JMJD1C: variants seen among roughly 807,000 people sequenced by gnomAD.
JMJD1C encodes jumonji domain-containing protein 1C.
In JMJD1C, 31 loss-of-function variants were observed where a neutral mutation model predicts 245.3. The ratio of observed to expected loss-of-function variants is 0.13; its 90% confidence interval spans 0.09 to 0.17. The LOEUF (loss-of-function observed/expected upper bound fraction) is 0.17. Ranked by LOEUF, JMJD1C falls within the 10% of genes least tolerant of loss-of-function variation. The pLI is 1.00. For synonymous variants in JMJD1C, 1,057 were observed against 1,017.4 expected (o/e 1.04, Z -0.74); for missense variants, 2,691 against 3,000.2 (o/e 0.90, Z 2.41).
chr10:63,345,666 G>C (rs932272304), intron 2 of JMJD1C, among the ~76,000 whole-genome samples: 1 of 152,098 alleles, frequency 6.6e-6, no homozygotes, highest in African/African-American at 2.4e-5. Flanking sequence ...TAGGAGTAGG[G>C]AGACAACTAC....
chr10:63,343,377 C>CA (rs377040804), intron 2 of JMJD1C, among the ~76,000 whole-genome samples: 6,094 of 131,510 alleles, frequency 0.046, 309 homozygotes, highest in African/African-American at 0.13. Context: ...AAAAAAAAAA[C>CA]AAAAAAAAAA....
chr10:63,497,225 CAT>C (rs1954392285), intron 1 of JMJD1C, among the ~76,000 whole-genome samples: 1 of 151,182 alleles, frequency 6.6e-6, no homozygotes, highest in African/African-American at 2.4e-5. Context: ...AATATTTGTA[CAT>C]ATATGTTCAC....
At chr10:63,413,424 GATT>G (rs1382020541) in intron 1 of JMJD1C, among the ~76,000 whole-genome samples, 1 of 152,128 alleles carries the variant, frequency 6.6e-6, no homozygotes, top group African/African-American at 2.4e-5. Flanking sequence ...AATATGTGTA[GATT>G]TTAAGACAGG....
At chr10:63,373,394 TAA>T (rs1266769071) in intron 2 of JMJD1C, among the ~76,000 whole-genome samples, 2 of 152,224 alleles carry the variant, frequency 1.3e-5, no homozygotes. Context: ...GCAATTATGT[TAA>T]GTTTTAAAAA....
chr10:63,256,829 A>C (rs376339270), intron 3 of JMJD1C, among the ~76,000 whole-genome samples: 3 of 152,210 alleles, frequency 2.0e-5, no homozygotes, highest in South Asian at 2.1e-4. Context: ...ATTTTAATCA[A>C]ATGTTAAAAT....
At position 63,168,364 on chromosome 10, in the gene JMJD1C, C is replaced by CTGTT. The variant is rs3830468; in HGVS notation, c.7533+67_7533+70dup. 383 of 1,463,398 alleles carry CTGTT rather than the reference C, an allele frequency of 2.6e-4. 4 individuals carry two copies. In the East Asian group the frequency reaches 8.7e-3, roughly 33 times the overall value. 90.7% of individuals were successfully genotyped at this position (1,463,398 alleles called of 1,614,324 possible). Reference sequence around the variant, plus strand: ...ACCAACTAGGCAATGACTGCCTAAGCTGTTATACATGTATCATATTTCTGA... The same window carrying CTGTT: ...ACCAACTAGGCAATGACTGCCTAAGCTGTTTGTTATACATGTATCATATTTCTGA... On this transcript the variant is annotated intron_variant, in intron 25 of 25. Transcript: ENST00000399262.
chr10:63,438,983 T>G (rs987373443), intron 1 of JMJD1C, among the ~76,000 whole-genome samples: 4 of 152,358 alleles, frequency 2.6e-5, no homozygotes, highest in Middle Eastern at 6.8e-3. Context: ...GGGCAGCAAT[T>G]TGATCCACTT....
chr10:63,225,859 T>C (rs979215766), intron 3 of JMJD1C, among the ~76,000 whole-genome samples: 2 of 151,874 alleles, frequency 1.3e-5, no homozygotes, highest in East Asian at 1.9e-4. Flanking sequence ...ACAGTATCAA[T>C]TGTAACAACT....
chr10:63,392,774 G>A (rs1469738314), intron 1 of JMJD1C, among the ~76,000 whole-genome samples: 2 of 140,318 alleles, frequency 1.4e-5, no homozygotes, highest in African/African-American at 2.8e-5. Context: ...GCAGTGAGCC[G>A]AGATCACGCC....
chr10:63,518,254 C>T (rs1472979145), intron 1 of JMJD1C, among the ~76,000 whole-genome samples: 1 of 152,178 alleles, frequency 6.6e-6, no homozygotes, highest in Admixed American at 6.5e-5. Context: ...GTTACTCTTA[C>T]TTTAGATCAA....
intron 2 of JMJD1C, among the ~76,000 whole-genome samples, chr10:63,321,221 C>T (rs969771876): frequency 2.6e-5 from 4 of 152,310 alleles, no homozygotes; most frequent in East Asian, 3.9e-4. Flanking sequence ...TGTAATAAAT[C>T]GGTAAACATA....
chr10:63,445,273 T>C (rs758867611), intron 1 of JMJD1C, among the ~76,000 whole-genome samples: 21 of 152,144 alleles, frequency 1.4e-4, no homozygotes, highest in Admixed American at 2.0e-4. Flanking sequence ...TAGAGTGATA[T>C]TTGGTGATAG....
At chr10:63,337,527 A>G (rs866542849) in intron 2 of JMJD1C, among the ~76,000 whole-genome samples, 5 of 56,602 alleles carry the variant, frequency 8.8e-5, no homozygotes, top group South Asian at 2.0e-3. Context: ...AGGGAGGGGA[A>G]GGGAGGGGAG....
At chr10:63,319,429 CTT>C (rs776692253) in intron 2 of JMJD1C, among the ~76,000 whole-genome samples, 19 of 150,764 alleles carry the variant, frequency 1.3e-4, no homozygotes, top group Non-Finnish European at 2.7e-4. Flanking sequence ...TATATTTTAA[CTT>C]TAACGTATGT....
intron 1 of JMJD1C, among the ~76,000 whole-genome samples, chr10:63,402,133 C>CAA (rs35050584): frequency 0.022 from 1,850 of 83,122 alleles, 67 homozygotes; most frequent in East Asian, 0.21. Flanking sequence ...AACTCCGTCT[C>CAA]AAAAAAAAAG....
intron 16 of JMJD1C, among the ~76,000 whole-genome samples, chr10:63,192,340 C>T (rs1475382579): frequency 1.3e-5 from 2 of 150,666 alleles, no homozygotes; most frequent in Non-Finnish European, 1.5e-5. Context: ...GAAGCCTAGG[C>T]AGATGGATTA....
At chr10:63,428,748 G>A (rs1452952963) in intron 1 of JMJD1C, among the ~76,000 whole-genome samples, 3 of 152,124 alleles carry the variant, frequency 2.0e-5, no homozygotes, top group Admixed American at 1.3e-4. Context: ...AATGCTAATT[G>A]TTCAATACCA....
At chr10:63,447,557 C>T (rs557977093) in intron 1 of JMJD1C, among the ~76,000 whole-genome samples, 2 of 152,276 alleles carry the variant, frequency 1.3e-5, no homozygotes, top group East Asian at 3.9e-4. Flanking sequence ...TCCTTCACAT[C>T]TGCTGGGTAC....
At chr10:63,309,484 G>T (rs1285383951) in intron 2 of JMJD1C, among the ~76,000 whole-genome samples, 3 of 89,004 alleles carry the variant, frequency 3.4e-5, no homozygotes, top group East Asian at 3.6e-4. Flanking sequence ...ACAAGAGCGA[G>T]ACTCCATCTC....
Sources: allele counts gnomAD v4.1 joint callset (sites outside exome capture counted in the v4.1 genomes callset), GRCh38; gene constraint gnomAD v4.1.1; transcripts MANE v1.5; gene names NCBI Gene and HGNC (gene_info 2026-07-23, HGNC 2026-07-21).